Variants in DLGAP2 observed in about 807,000 individuals in gnomAD.
The protein encoded by DLGAP2 is disks large-associated protein 2.
Under a neutral mutation model 100.3 loss-of-function variants are expected in DLGAP2, and 26 were observed. The observed-to-expected ratio is 0.26, with a 90% CI of 0.19 to 0.36. The LOEUF (loss-of-function observed/expected upper bound fraction) is 0.36, where lower values mean the gene tolerates loss of function less well. DLGAP2 is among the 10% of genes least tolerant of loss of function. The pLI, the probability that DLGAP2 is intolerant of heterozygous loss-of-function variation, is 1.00. For synonymous variants in DLGAP2, 886 were observed against 630.1 expected (o/e 1.41, Z -6.08); for missense variants, 1,858 against 1,453.2 (o/e 1.28, Z -4.53).
chr8:1,384,694 TGGTG>T (rs1796175933), intron 3 of DLGAP2, among the ~76,000 whole-genome samples: 1 of 84,032 alleles, frequency 1.2e-5, no homozygotes, highest in Non-Finnish European at 2.3e-5. Flanking sequence ...CCTGAGAACT[TGGTG>T]CACAGTTACC....
chr8:1,101,040 G>T (rs546969341), intron 2 of DLGAP2, among the ~76,000 whole-genome samples: 3 of 152,196 alleles, frequency 2.0e-5, no homozygotes, highest in Non-Finnish European at 4.4e-5. Context: ...GGTTTCTTCT[G>T]GGGTTCCTGG....
intron 12 of DLGAP2, among the ~76,000 whole-genome samples, chr8:1,688,787 C>T (rs1012399450): frequency 1.3e-5 from 2 of 152,192 alleles, no homozygotes; most frequent in African/African-American, 4.8e-5. Context: ...GCCAGACCTT[C>T]ATGTTCTAAA....
intron 3 of DLGAP2, among the ~76,000 whole-genome samples, chr8:1,437,768 G>A (rs1202458798): frequency 2.3e-5 from 3 of 131,794 alleles, no homozygotes; most frequent in African/African-American, 8.8e-5. Flanking sequence ...AGGAGTTCGA[G>A]ACTAGCCTGA....
At chr8:1,015,131 T>C (rs529202658) in intron 2 of DLGAP2, among the ~76,000 whole-genome samples, 42 of 9,050 alleles carry the variant, frequency 4.6e-3, no homozygotes, top group African/African-American at 0.014. Context: ...GGACAGACGA[T>C]GCCTCCACTG....
At chr8:1,568,387 A>AT (rs1802502270) in intron 6 of DLGAP2, among the ~76,000 whole-genome samples, 1 of 90,174 alleles carries the variant, frequency 1.1e-5, no homozygotes, top group Non-Finnish European at 2.1e-5. Flanking sequence ...ACACAAATCC[A>AT]CTCTGCCCGT....
chr8:1,115,379 A>G (rs927790442), intron 2 of DLGAP2, among the ~76,000 whole-genome samples: 3 of 152,152 alleles, frequency 2.0e-5, no homozygotes, highest in Non-Finnish European at 2.9e-5. Flanking sequence ...CCTGTGTTGG[A>G]TGCATATATA....
intron 5 of DLGAP2, among the ~76,000 whole-genome samples, chr8:1,555,193 C>T (rs1186368717): frequency 6.6e-6 from 1 of 152,168 alleles, no homozygotes; most frequent in Non-Finnish European, 1.5e-5. Flanking sequence ...CCACTCTGGA[C>T]ACAGACGCAC....
chr8:1,443,542 CCTG>C (rs1270547077), intron 3 of DLGAP2, among the ~76,000 whole-genome samples: 1 of 152,170 alleles, frequency 6.6e-6, no homozygotes, highest in Non-Finnish European at 1.5e-5. Context: ...TAAAGACAAA[CCTG>C]AGACTGGGTA....
At chr8:1,025,085 CGCGTGT>C (rs1801754317) in intron 2 of DLGAP2, among the ~76,000 whole-genome samples, 1 of 151,230 alleles carries the variant, frequency 6.6e-6, no homozygotes, top group Non-Finnish European at 1.5e-5. Flanking sequence ...TGTGTGTGTG[CGCGTGT>C]ATGTGTGTGC....
At position 760,439 on chromosome 8, in the gene DLGAP2, G is replaced by A. The variant is rs759329442; in HGVS notation, c.18+22614G>A. On this transcript the variant is annotated intron_variant, in intron 1 of 14. Coordinates refer to ENST00000637795, the MANE Select transcript of DLGAP2 (RefSeq NM_001346810.2). ...TTCCACCTTCATTTTGTTGATGTCC[G>A]TCTTCAAATAATTTCCTAAAGTTTC... is the stretch of plus-strand genomic sequence containing the variant. 9.2e-5 allele frequency among the ~76,000 whole-genome samples: 14 copies of A among 152,004 alleles called. 1 individual carries two copies. The highest frequency in any genetic ancestry group is 3.3e-4 in the Admixed American group (5 of 15,254).
intron 1 of DLGAP2, among the ~76,000 whole-genome samples, chr8:778,463 C>G (rs1353149939): frequency 6.6e-6 from 1 of 152,138 alleles, no homozygotes; most frequent in Non-Finnish European, 1.5e-5. Flanking sequence ...TGTTTTTTCC[C>G]CATCTTTGTG....
chr8:1,046,634 C>T (rs4735971), intron 2 of DLGAP2, among the ~76,000 whole-genome samples: 141,011 of 152,292 alleles, frequency 0.93, 65,736 homozygotes, highest in Non-Finnish European at 0.96. Flanking sequence ...TGTTAGTACA[C>T]GTTGAAAAGG....
intron 2 of DLGAP2, among the ~76,000 whole-genome samples, chr8:1,012,375 G>A (rs1224363334): frequency 1.3e-5 from 2 of 152,246 alleles, no homozygotes; most frequent in South Asian, 2.1e-4. Context: ...GATAGAAAGC[G>A]CCCGCGGCAA....
At chr8:1,651,027 C>T (rs1235457816) in intron 8 of DLGAP2, among the ~76,000 whole-genome samples, 5 of 152,094 alleles carry the variant, frequency 3.3e-5, no homozygotes, top group Admixed American at 6.5e-5. Flanking sequence ...CCCTGCTCAG[C>T]GGAATTTTGG....
chr8:1,084,916 C>G (rs1257435659), intron 2 of DLGAP2, among the ~76,000 whole-genome samples: 2 of 152,186 alleles, frequency 1.3e-5, no homozygotes, highest in Non-Finnish European at 2.9e-5. Flanking sequence ...CTGGATCATT[C>G]TCTTTTTAAT....
rs577183598 is a variant in DLGAP2, at chr8:898,881, G to A, written c.19-9031G>A. On this transcript the variant is annotated intron_variant, in intron 1 of 14. Transcript: ENST00000637795. ...GATATCCCTGTTCACTGGAGGGTGAGCCCTGCGCATCAGAGAATGTTTCTT... is the reference window on the plus strand; with the variant it reads ...GATATCCCTGTTCACTGGAGGGTGAACCCTGCGCATCAGAGAATGTTTCTT... Among the ~76,000 whole-genome samples the A allele has an allele frequency of 1.3e-4, 20 of 152,338 alleles. No individual in the cohort carries two copies. The South Asian group carries it at 1.4e-3, about 11-fold the overall frequency.
intron 1 of DLGAP2, among the ~76,000 whole-genome samples, chr8:806,877 G>A (rs1169083119): frequency 1.3e-5 from 2 of 152,142 alleles, no homozygotes; most frequent in East Asian, 3.9e-4. Context: ...CAAATGACTG[G>A]GACCCCTAAG....
intron 2 of DLGAP2, among the ~76,000 whole-genome samples, chr8:1,120,991 A>G (rs1182233080): frequency 6.8e-6 from 1 of 147,766 alleles, no homozygotes; most frequent in African/African-American, 2.5e-5. Flanking sequence ...TTCAGAACCC[A>G]AGACCTCCCA....
At chr8:1,580,551 C>G (rs1356734720) in intron 6 of DLGAP2, among the ~76,000 whole-genome samples, 1 of 152,186 alleles carries the variant, frequency 6.6e-6, no homozygotes, top group Non-Finnish European at 1.5e-5. Context: ...CAGAGCAGAA[C>G]AGAAGAAACG....
Sources: gnomAD v4.1 joint callset for allele counts (sites outside exome capture counted in the v4.1 genomes callset) on GRCh38, gnomAD v4.1.1 for gene constraint, MANE v1.5 for transcripts, NCBI Gene and HGNC (gene_info 2026-07-23, HGNC 2026-07-21) for gene names.